Variants in FOLH1 observed in about 807,000 individuals in gnomAD.
FOLH1 encodes the protein folate hydrolase 1, also known as glutamate carboxypeptidase 2.
A neutral mutation model predicts 93.9 loss-of-function variants in FOLH1; 54 were observed. The ratio of observed to expected loss-of-function variants is 0.57; its 90% confidence interval spans 0.46 to 0.72. FOLH1 has a LOEUF of 0.72. Ranked by LOEUF, FOLH1 falls within the 30% of genes least tolerant of loss-of-function variation. The probability of loss-of-function intolerance (pLI) is 0.00; values close to 1 mark genes in which losing one functional copy is unlikely to be tolerated. For synonymous variants in FOLH1, 249 were observed against 303.6 expected, an observed-to-expected ratio of 0.82 and a Z score of 1.87; for missense variants, 571 against 892.5, an observed-to-expected ratio of 0.64 and a Z score of 4.59.
At chr11:49,164,955 A>G (rs1858188252) in intron 12 of FOLH1, among the ~76,000 whole-genome samples, 183 bp from the exon 13 acceptor site, 1 of 152,236 alleles carries the variant, frequency 6.6e-6, no homozygotes. Flanking sequence ...CCACACTGCC[A>G]TATATGAAAC....
chr11:49,176,346 T>C (rs962085283), intron 7 of FOLH1, among the ~76,000 whole-genome samples: 6 of 152,218 alleles, frequency 3.9e-5, no homozygotes, highest in African/African-American at 1.4e-4. Context: ...CTCACTGGTA[T>C]ATAGTTATTT....
Position 49,150,933 on chromosome 11 carries a change from C to T in FOLH1, c.1971-2202G>A, listed in dbSNP as rs547953578. 7.2e-5 allele frequency among the ~76,000 whole-genome samples: 11 copies of T among 152,218 alleles called. No homozygotes were observed. In the East Asian group the frequency reaches 2.1e-3, roughly 29 times the overall value. Reference sequence around the variant, plus strand: ...TAAAAGAGCATTTAGTGATCATTTCCTATGTGCCAATTACTGTTCTGAATC... The same window carrying T: ...TAAAAGAGCATTTAGTGATCATTTCTTATGTGCCAATTACTGTTCTGAATC... On this transcript the variant is annotated intron_variant, in intron 17 of 18. Coordinates refer to ENST00000256999, the MANE Select transcript of FOLH1 (RefSeq NM_004476.3).
rs772046975 is a variant in FOLH1, at chr11:49,200,358, A to C, written c.308T>G (p.Phe103Cys). 6.2e-7 allele frequency: 1 copy of C among 1,613,602 alleles called. No individual in the cohort carries two copies. The highest frequency in any genetic ancestry group is 8.5e-7 in the Non-Finnish European group (1 of 1,179,712). ...TGCTAGCTCAACAGAATCCAGGCCA[A>C]ATTCTTTCCACTGGGATTGAATTTG... ...AKQIQSQWKE[F>C]GLDSVELAHY... The change falls in exon 3 of 19, where the codon TTT (phenylalanine) becomes TGT (cysteine). Residue 103 changes from phenylalanine to cysteine, a missense_variant. Physicochemically the swap from Phe to Cys is radical, Grantham distance 205. Transcript: ENST00000256999.
rs201138675 is a variant in FOLH1, at chr11:49,183,245, GA to G, written c.827-4del. On this transcript the variant is annotated splice_region_variant and splice_polypyrimidine_tract_variant and intron_variant, in intron 6 of 18. Transcript: ENST00000256999. Reference sequence around the variant, plus strand: ...AATTCCACGCCTATAAGCATATTCTGAAAAAAAAAATTGCCATATTTCCAGT... The same window carrying G: ...AATTCCACGCCTATAAGCATATTCTGAAAAAAAAATTGCCATATTTCCAGT... 404 of 1,496,510 alleles carry G rather than the reference GA, an allele frequency of 2.7e-4. 1 individual carries two copies. Among genetic ancestry groups the G allele is most frequent in the South Asian group, 9.1e-4 (72 of 78,858 alleles). The allele number at this position is 1,496,510 out of a possible 1,614,324, so 92.7% of individuals were successfully genotyped here. A position where few individuals can be genotyped will look rare whatever the true frequency, so the allele number is the denominator to read the frequency against.
At chr11:49,189,592 C>T (rs1485940787) in intron 4 of FOLH1, among the ~76,000 whole-genome samples, 1 of 152,104 alleles carries the variant, frequency 6.6e-6, no homozygotes, top group Non-Finnish European at 1.5e-5. Flanking sequence ...GTGTTTTTGA[C>T]TTAGGATATT....
At chr11:49,161,404 T>C (rs1423166736) in intron 13 of FOLH1, among the ~76,000 whole-genome samples, 2 of 152,174 alleles carry the variant, frequency 1.3e-5, no homozygotes, top group African/African-American at 4.8e-5. Flanking sequence ...TTTTTTTTTA[T>C]CTTTGTTGGT....
At chr11:49,194,132 CAAAAA>C (rs55656827) in intron 3 of FOLH1, among the ~76,000 whole-genome samples, 3 of 71,576 alleles carry the variant, frequency 4.2e-5, no homozygotes, top group Non-Finnish European at 7.8e-5. Context: ...GCCTGGGTGA[CAAAAA>C]AAAAAAAAAA....
At chr11:49,164,513 T>A (rs1164844759) in intron 13 of FOLH1, among the ~76,000 whole-genome samples, 192 bp downstream of exon 13, 1 of 152,196 alleles carries the variant, frequency 6.6e-6, no homozygotes, top group Non-Finnish European at 1.5e-5. Context: ...TACCTCACAC[T>A]GGTGTGGTGA....
In FOLH1 at chr11:49,174,248, C is replaced by G. The variant is rs149386642; in HGVS notation, c.1105+644G>C. ...AATATTCTTGATCTAAAATAAATCA[C>G]TGGCTGCTTGTAAGAAACATGCAAT... On this transcript the variant is annotated intron_variant, in intron 9 of 18. Coordinates refer to ENST00000256999, the MANE Select transcript of FOLH1 (RefSeq NM_004476.3). Among the ~76,000 whole-genome samples the G allele has an allele frequency of 5.9e-3, 897 of 152,264 alleles. 12 individuals are homozygous for G. The highest frequency in any genetic ancestry group is 0.021 in the African/African-American group (858 of 41,554).
At chr11:49,158,065 AAG>A (rs767660473) in intron 13 of FOLH1, 22 bp from the exon 14 acceptor site, 1 of 1,530,106 alleles carries the variant, frequency 6.5e-7, no homozygotes, top group Non-Finnish European at 8.8e-7. Flanking sequence ...AAAAGAAAAA[AAG>A]AGAATACTTA....
In FOLH1 at chr11:49,192,812, G is replaced by C. The variant is rs1391634105; in HGVS notation, c.494C>G (p.Ser165Cys). The stretch of plus-strand genomic sequence containing the variant: ...TTTTACCTCTGGCATTCCTTGAGGA[G>C]AGAAAGCACTGAAAGGTGGTACAAT... ...SDIVPPFSAF[S>C]PQGMPEGDLV... Residue 165 changes from serine (S) to cysteine (C), a missense_variant, in exon 4 of 19, where the codon TCT (serine) becomes TGT (cysteine). Physicochemically the swap from Ser to Cys is moderately radical, Grantham distance 112 (BLOSUM62 -1). Coordinates refer to ENST00000256999, the MANE Select transcript of FOLH1 (RefSeq NM_004476.3). The C allele has an allele frequency of 6.2e-7, 1 of 1,606,916 alleles. No homozygotes were observed. The highest frequency in any genetic ancestry group is 8.5e-7 in the Non-Finnish European group (1 of 1,176,160).
intron 3 of FOLH1, 88 bp downstream of exon 3, chr11:49,200,167 A>C: frequency 2.6e-6 from 3 of 1,154,576 alleles, no homozygotes; most frequent in Non-Finnish European, 3.5e-6. Flanking sequence ...TAATATTTAG[A>C]GATGGGATAG....
intron 7 of FOLH1, among the ~76,000 whole-genome samples, chr11:49,181,991 C>T (rs1171799900): frequency 6.6e-6 from 1 of 152,216 alleles, no homozygotes; most frequent in Admixed American, 6.5e-5. Flanking sequence ...GCTTTGGTCT[C>T]TATCAATTTC....
At chr11:49,205,188 G>C (rs1337884468) in intron 2 of FOLH1, among the ~76,000 whole-genome samples, 1 of 150,680 alleles carries the variant, frequency 6.6e-6, no homozygotes, top group African/African-American at 2.4e-5. Context: ...TGGGCAACAA[G>C]AGCGAAACTC....
chr11:49,199,834 A>T (rs951877511), intron 3 of FOLH1, among the ~76,000 whole-genome samples: 31 of 151,938 alleles, frequency 2.0e-4, no homozygotes, highest in African/African-American at 7.0e-4. Context: ...TCCCTTGAAC[A>T]TGGGAGGTGG....
At chr11:49,199,912 GA>G (rs958757715) in intron 3 of FOLH1, among the ~76,000 whole-genome samples, 86 of 138,412 alleles carry the variant, frequency 6.2e-4, no homozygotes, top group East Asian at 6.2e-4. Context: ...ACTCCATCTG[GA>G]AAAAAAAAAA....
intron 6 of FOLH1, among the ~76,000 whole-genome samples, chr11:49,184,592 A>T (rs1206210579): frequency 6.6e-6 from 1 of 152,126 alleles, no homozygotes; most frequent in African/African-American, 2.4e-5. Context: ...GTCATTTTTT[A>T]AAAAAGAAAA....
At chr11:49,208,167 G>A (rs1448075657) in intron 1 of FOLH1, 125 bp downstream of exon 1, 3 of 709,736 alleles carry the variant, frequency 4.2e-6, no homozygotes, top group Non-Finnish European at 7.1e-6. Flanking sequence ...ACATTACCCC[G>A]ACCCTAATCG....
chr11:49,198,863 T>C (rs1402879977), intron 3 of FOLH1, among the ~76,000 whole-genome samples: 2 of 151,390 alleles, frequency 1.3e-5, no homozygotes, highest in Non-Finnish European at 2.9e-5. Context: ...TCATCCTATC[T>C]CAGCCTCCCA....
Sources: allele counts gnomAD v4.1 joint callset (sites outside exome capture counted in the v4.1 genomes callset), GRCh38; gene constraint gnomAD v4.1.1; transcripts MANE v1.5; gene names NCBI Gene and HGNC (gene_info 2026-07-23, HGNC 2026-07-21).